Variants in GBE1 observed in about 807,000 individuals in gnomAD.
The protein encoded by GBE1 is 1,4-alpha-glucan-branching enzyme.
In GBE1, 70 loss-of-function variants were observed where a neutral mutation model predicts 88.8. That is an observed-to-expected ratio of 0.79 (90% CI 0.65 to 0.96). GBE1 has a LOEUF of 0.96. GBE1 is among the 40% of genes least tolerant of loss of function. GBE1 has a pLI of 0.00. For missense variants in GBE1, 872 were observed against 871.0 expected (o/e 1.00, Z -0.01); for synonymous variants, 284 against 300.1 (o/e 0.95, Z 0.56).
chr3:81,651,253 G>A (rs1229101895), intron 3 of GBE1, among the ~76,000 whole-genome samples: 2 of 152,146 alleles, frequency 1.3e-5, no homozygotes, highest in Non-Finnish European at 2.9e-5. Flanking sequence ...GATTACATAA[G>A]TTGCCAGAAG....
At chr3:81,536,091 T>C (rs1036008873) in intron 13 of GBE1, among the ~76,000 whole-genome samples, 3 of 151,960 alleles carry the variant, frequency 2.0e-5, no homozygotes, top group African/African-American at 7.2e-5. Flanking sequence ...ACGTTGTTCC[T>C]ATTGAAAAGG....
chr3:81,494,348 G>C (rs1702476134), intron 15 of GBE1, among the ~76,000 whole-genome samples: 2 of 151,988 alleles, frequency 1.3e-5, no homozygotes, highest in African/African-American at 4.8e-5. Flanking sequence ...GAACAATTTG[G>C]GGTTCCTAAA....
rs374404487 is a variant in GBE1 at position 81,649,884 on chromosome 3, C to T, written c.467G>A (p.Arg156His). Reference sequence around the variant, plus strand: ...CACATACTTTGCCCACGGTGAAATACGATACAAGATCTCTCCGCTTTTACT... The same window carrying T: ...CACATACTTTGCCCACGGTGAAATATGATACAAGATCTCTCCGCTTTTACT... ...ITSKSGEILYRISPWAKYVVR... is the reference protein window; with the variant it reads ...ITSKSGEILYHISPWAKYVVR... Residue 156 changes from arginine to histidine, a missense_variant, in exon 4 of 16, where the codon CGT (arginine) becomes CAT (histidine). By Grantham distance (29) the Arg-to-His change is conservative. Coordinates refer to ENST00000429644, the MANE Select transcript of GBE1 (RefSeq NM_000158.4). The T allele has an allele frequency of 7.6e-5, 123 of 1,608,886 alleles. 1 individual carries two copies. The highest frequency in any genetic ancestry group is 6.6e-4 in the Middle Eastern group (4 of 6,062).
chr3:81,619,294 T>C (rs1339946440), intron 7 of GBE1, among the ~76,000 whole-genome samples: 1 of 151,982 alleles, frequency 6.6e-6, no homozygotes, highest in Non-Finnish European at 1.5e-5. Context: ...CTTGTAAATA[T>C]ATCTACACAT....
At chr3:81,652,136 G>T (rs1704859524) in intron 3 of GBE1, among the ~76,000 whole-genome samples, 1 of 152,216 alleles carries the variant, frequency 6.6e-6, no homozygotes, top group African/African-American at 2.4e-5. Flanking sequence ...TGCTACAAAA[G>T]AAGGGATTCT....
intron 1 of GBE1, among the ~76,000 whole-genome samples, chr3:81,718,774 T>C (rs1705978446): frequency 6.6e-6 from 1 of 152,052 alleles, no homozygotes; most frequent in African/African-American, 2.4e-5. Context: ...ATAGTTGGGA[T>C]TACAGGCATG....
chr3:81,556,430 A>G (rs1703349654), intron 12 of GBE1, among the ~76,000 whole-genome samples: 1 of 152,086 alleles, frequency 6.6e-6, no homozygotes, highest in Admixed American at 6.6e-5. Context: ...ACATGAATGT[A>G]TAAAAAGGAA....
chr3:81,722,291 C>CA (rs1559699084), intron 1 of GBE1, among the ~76,000 whole-genome samples: 1 of 151,816 alleles, frequency 6.6e-6, no homozygotes, highest in Admixed American at 6.6e-5. Context: ...ACACTAAGTG[C>CA]AAAAAAGAAT....
At chr3:81,741,301 CA>C (rs1318412977) in intron 1 of GBE1, among the ~76,000 whole-genome samples, 7 of 151,988 alleles carry the variant, frequency 4.6e-5, no homozygotes, top group African/African-American at 1.7e-4. Flanking sequence ...TTTAGTTCAA[CA>C]AACCATTTGA....
intron 5 of GBE1, 80 bp from the exon 6 acceptor site, chr3:81,646,562 C>T (rs190999280): frequency 1.1e-5 from 8 of 749,266 alleles, no homozygotes; most frequent in African/African-American, 5.4e-5. Context: ...ATCCTTATTC[C>T]AAATACATTA....
At chr3:81,540,976 A>G (rs1174738759) in intron 12 of GBE1, among the ~76,000 whole-genome samples, 1 of 152,034 alleles carries the variant, frequency 6.6e-6, no homozygotes, top group East Asian at 1.9e-4. Flanking sequence ...TGCTCTGGCT[A>G]GAACACTCCT....
chr3:81,630,833 G>T (rs1704497685), intron 7 of GBE1, among the ~76,000 whole-genome samples: 1 of 152,158 alleles, frequency 6.6e-6, no homozygotes, highest in African/African-American at 2.4e-5. Context: ...ACTAGCCAAT[G>T]TTATAGAAAA....
At chr3:81,688,910 T>C (rs1705480404) in intron 2 of GBE1, among the ~76,000 whole-genome samples, 1 of 151,894 alleles carries the variant, frequency 6.6e-6, no homozygotes, top group Non-Finnish European at 1.5e-5. Context: ...ACTATATCCA[T>C]TCAACATATT....
intron 1 of GBE1, among the ~76,000 whole-genome samples, chr3:81,731,497 T>G (rs564471750): frequency 2.9e-4 from 44 of 152,274 alleles, no homozygotes; most frequent in African/African-American, 1.0e-3. Context: ...CCTTAGATGA[T>G]AACATTTTGA....
At chr3:81,682,869 A>G (rs537945803) in intron 2 of GBE1, among the ~76,000 whole-genome samples, 16 of 152,386 alleles carry the variant, frequency 1.0e-4, no homozygotes, top group Non-Finnish European at 1.9e-4. Context: ...CACTAAATGA[A>G]TAAACAAAAT....
Position 81,642,786 on chromosome 3 carries a change from G to A in GBE1, c.987C>T (p.Tyr329=), listed in dbSNP as rs573055138. The part of the protein sequence containing the change: ...HDLWDSRLFA[Y]SSWEILRFLL... ...TCTATATTGTATGTACCTACCTGGA[G>A]TAGGCAAACAATCTGCTATCCCAAA... Residue 329 remains tyrosine, a synonymous_variant, in exon 7 of 16, where the codon TAC becomes TAT. Transcript: ENST00000429644. 19 of 1,594,974 alleles carry A rather than the reference G, an allele frequency of 1.2e-5. No homozygotes were observed. The East Asian group carries it at 4.0e-4, about 34-fold the overall frequency.
chr3:81,507,018 A>G (rs1702663541), intron 14 of GBE1, among the ~76,000 whole-genome samples: 1 of 152,108 alleles, frequency 6.6e-6, no homozygotes, highest in South Asian at 2.1e-4. Flanking sequence ...AACCCCCATG[A>G]CACAAGTTTA....
intron 15 of GBE1, among the ~76,000 whole-genome samples, chr3:81,494,446 C>A (rs1702476641): frequency 6.6e-6 from 1 of 152,028 alleles, no homozygotes; most frequent in Non-Finnish European, 1.5e-5. Flanking sequence ...AGAAAAGAAA[C>A]ATGAACACAT....
At chr3:81,744,485 T>C (rs1182347396) in intron 1 of GBE1, among the ~76,000 whole-genome samples, 1 of 152,152 alleles carries the variant, frequency 6.6e-6, no homozygotes, top group East Asian at 1.9e-4. Flanking sequence ...GAGCATTCAG[T>C]ACTCATTTGC....
Sources: allele counts gnomAD v4.1 joint callset (sites outside exome capture counted in the v4.1 genomes callset), GRCh38; gene constraint gnomAD v4.1.1; transcripts MANE v1.5; gene names NCBI Gene and HGNC (gene_info 2026-07-23, HGNC 2026-07-21).